Variants in ATP2C1 observed in about 807,000 individuals in gnomAD.
ATP2C1 encodes calcium-transporting ATPase type 2C member 1.
ATP2C1 carries 31 observed loss-of-function variants against 120.5 expected under a neutral mutation model. That is an observed-to-expected ratio of 0.26 (90% CI 0.19 to 0.35). The LOEUF is 0.35. Among genes scored for constraint, ATP2C1 ranks in the 10% least tolerant of loss-of-function variants. The probability of loss-of-function intolerance (pLI) is 1.00; values close to 1 mark genes in which losing one functional copy is unlikely to be tolerated. For missense variants in ATP2C1, 731 were observed against 1,107.5 expected (o/e 0.66, Z 4.83); for synonymous variants, 351 against 358.7 (o/e 0.98, Z 0.24).
At chr3:130,937,548 G>C in intron 6 of ATP2C1, 85 bp downstream of exon 6, 1 of 1,151,334 alleles carries the variant, frequency 8.7e-7, no homozygotes, top group Non-Finnish European at 1.3e-6. Context: ...TACCGTTATT[G>C]GGGGGTTGTA....
At chr3:130,959,463 A>G in intron 12 of ATP2C1, 122 bp downstream of exon 12, 3 of 641,644 alleles carry the variant, frequency 4.7e-6, no homozygotes, top group African/African-American at 1.8e-5. Flanking sequence ...TAACATCGCT[A>G]CATAAATAGT....
At chr3:130,873,370 A>G (rs943042702) in intron 1 of ATP2C1, among the ~76,000 whole-genome samples, 15 of 152,196 alleles carry the variant, frequency 9.9e-5, no homozygotes, top group Non-Finnish European at 2.1e-4. Context: ...CACCTTTAAG[A>G]AGCAATTAAT....
At chr3:130,895,867 T>G (rs1389695996) in intron 2 of ATP2C1, among the ~76,000 whole-genome samples, 1 of 152,178 alleles carries the variant, frequency 6.6e-6, no homozygotes, top group African/African-American at 2.4e-5. Context: ...TATTGACAAA[T>G]TTTACTCTGG....
chr3:130,995,143 G>A (rs1408031584), intron 22 of ATP2C1, among the ~76,000 whole-genome samples: 2 of 152,148 alleles, frequency 1.3e-5, no homozygotes, highest in East Asian at 3.9e-4. Context: ...GCTGGGCAGG[G>A]TACCTCATGC....
intron 1 of ATP2C1, among the ~76,000 whole-genome samples, chr3:130,879,402 G>A (rs964587830): frequency 3.9e-5 from 6 of 151,946 alleles, no homozygotes; most frequent in Non-Finnish European, 8.8e-5. Flanking sequence ...TTAATGAAAT[G>A]TACCTCTGTT....
Position 130,953,870 on chromosome 3 carries a change from C to T in ATP2C1, c.581C>T (p.Pro194Leu). ...DESSLTGETT[P>L]CSKVTAPQPA... ...TCCAGCTTGACAGGTGAGACAACGCCTTGTTCTAAGGTGACAGCTCCTCAG... is the reference window on the plus strand; with the variant it reads ...TCCAGCTTGACAGGTGAGACAACGCTTTGTTCTAAGGTGACAGCTCCTCAG... The change falls in exon 9 of 28, where the codon CCT (proline) becomes CTT (leucine). Residue 194 changes from proline (P) to leucine (L), a missense_variant. By Grantham distance (98) the Pro-to-Leu change is moderately conservative. This residue lies in a region of ATP2C1 where 571 missense variants were observed against 845.9 expected (regional missense o/e 0.67). Coordinates refer to ENST00000510168, the MANE Select transcript of ATP2C1 (RefSeq NM_001378687.1). The T allele has an allele frequency of 6.2e-7, 1 of 1,614,026 alleles. No individual in the cohort carries two copies. The highest frequency in any genetic ancestry group is 2.2e-5 in the East Asian group (1 of 44,864).
intron 26 of ATP2C1, among the ~76,000 whole-genome samples, chr3:131,010,114 G>T (rs2109021379): frequency 6.6e-6 from 1 of 151,958 alleles, no homozygotes; most frequent in East Asian, 1.9e-4. Context: ...GTAGGGCCAG[G>T]TTATAACCCT....
chr3:130,863,559 C>T (rs2068080423), intron 1 of ATP2C1, among the ~76,000 whole-genome samples: 1 of 152,162 alleles, frequency 6.6e-6, no homozygotes, highest in Non-Finnish European at 1.5e-5. Context: ...CAAGCTTTTG[C>T]AAACTCATGT....
intron 2 of ATP2C1, among the ~76,000 whole-genome samples, chr3:130,909,093 G>C (rs1374648174): frequency 6.6e-6 from 1 of 152,166 alleles, no homozygotes; most frequent in Admixed American, 6.5e-5. Flanking sequence ...TTGGGTTCAT[G>C]CTCTGGAACT....
At chr3:130,936,488 T>C (rs1472800950) in intron 5 of ATP2C1, among the ~76,000 whole-genome samples, 1 of 152,150 alleles carries the variant, frequency 6.6e-6, no homozygotes, top group Non-Finnish European at 1.5e-5. Flanking sequence ...CTAAGAAGAA[T>C]ATCCACAATC....
At chr3:130,879,402 G>T (rs964587830) in intron 1 of ATP2C1, among the ~76,000 whole-genome samples, 7 of 151,946 alleles carry the variant, frequency 4.6e-5, no homozygotes, top group Non-Finnish European at 8.8e-5. Context: ...TTAATGAAAT[G>T]TACCTCTGTT....
chr3:130,980,710 A>C (rs1384675877), intron 20 of ATP2C1, 31 bp downstream of exon 20: 7 of 1,478,916 alleles, frequency 4.7e-6, no homozygotes, highest in Non-Finnish European at 6.6e-6. Flanking sequence ...TTTGGACTGA[A>C]AGGCCTTATT....
chr3:130,925,820 G>T (rs867460230), intron 2 of ATP2C1, among the ~76,000 whole-genome samples: 1 of 152,046 alleles, frequency 6.6e-6, no homozygotes, highest in Admixed American at 6.6e-5. Context: ...GGGTGAGGGT[G>T]TGGTTCCCAG....
intron 1 of ATP2C1, among the ~76,000 whole-genome samples, chr3:130,852,937 T>C (rs749023363): frequency 7.2e-5 from 11 of 152,198 alleles, no homozygotes; most frequent in Non-Finnish European, 1.3e-4. Flanking sequence ...CCACGCTTGA[T>C]CCCTGAACAA....
intron 26 of ATP2C1, among the ~76,000 whole-genome samples, chr3:131,010,637 AT>A (rs767457754): frequency 1.6e-4 from 25 of 152,052 alleles, no homozygotes; most frequent in Admixed American, 3.3e-4. Flanking sequence ...TTTTTTCATT[AT>A]TTTCTAAGTT....
chr3:130,863,583 A>G (rs1159088105), intron 1 of ATP2C1, among the ~76,000 whole-genome samples: 1 of 152,218 alleles, frequency 6.6e-6, no homozygotes, highest in Non-Finnish European at 1.5e-5. Flanking sequence ...ATTTGCAATT[A>G]TAGTATAGTG....
Position 130,997,697 on chromosome 3 carries a change from A to T in ATP2C1, c.2335A>T (p.Ile779Leu). 6.2e-7 allele frequency: 1 copy of T among 1,613,828 alleles called. No homozygotes were observed. Among genetic ancestry groups the T allele is most frequent in the Non-Finnish European group, 8.5e-7 (1 of 1,179,806 alleles). Residue 779 changes from isoleucine (I) to leucine (L), a missense_variant, in exon 25 of 28, where the codon ATA becomes TTA. Transcript: ENST00000510168. ...SILTKNLILK[I>L]LVSSIIIVCG... ...TTTGACTAAAAACTTGATACTTAAA[A>T]TACTTGTTTCATCAATAATCATTGT...
At chr3:130,940,526 A>T (rs1019187924) in intron 6 of ATP2C1, 104 bp from the exon 7 acceptor site, 1 of 790,898 alleles carries the variant, frequency 1.3e-6, no homozygotes, top group African/African-American at 1.7e-5. Flanking sequence ...AAAGGAAAAG[A>T]TGAGAATTGG....
At chr3:130,946,579 G>A (rs2060164481) in intron 8 of ATP2C1, among the ~76,000 whole-genome samples, 1 of 152,122 alleles carries the variant, frequency 6.6e-6, no homozygotes, top group Non-Finnish European at 1.5e-5. Context: ...GTTAAGACCC[G>A]CTAACAAGCA....
Sources: gnomAD v4.1 joint callset for allele counts (sites outside exome capture counted in the v4.1 genomes callset) on GRCh38, gnomAD v4.1.1 for gene constraint, gnomAD v4.1.1 regional missense constraint, MANE v1.5 for transcripts, NCBI Gene and HGNC (gene_info 2026-07-23, HGNC 2026-07-21) for gene names.